OTOGL: variants seen among roughly 807,000 people sequenced by gnomAD.
OTOGL encodes otogelin like.
A neutral mutation model predicts 318.5 loss-of-function variants in OTOGL; 285 were observed. That is an observed-to-expected ratio of 0.89 (90% CI 0.81 to 0.99). The LOEUF (loss-of-function observed/expected upper bound fraction) is 0.99. OTOGL is among the 50% of genes least tolerant of loss of function. The pLI, the probability that OTOGL is intolerant of heterozygous loss-of-function variation, is 0.00. For synonymous variants in OTOGL, 987 were observed against 936.5 expected, an observed-to-expected ratio of 1.05 and a Z score of -0.99; for missense variants, 2,899 against 2,845.6, an observed-to-expected ratio of 1.02 and a Z score of -0.43.
chr12:80,367,130 C>T (rs1334973969), intron 53 of OTOGL, among the ~76,000 whole-genome samples: 2 of 127,696 alleles, frequency 1.6e-5, no homozygotes, highest in African/African-American at 5.8e-5. Flanking sequence ...ACATGCACCA[C>T]CATACCCAGC....
In OTOGL at chr12:80,266,548, C is replaced by T. The variant is rs369877003; in HGVS notation, c.2322C>T (p.Asp774=). The change falls in exon 21 of 59, where the codon GAC becomes GAT. Residue 774 remains aspartate (D), a synonymous_variant. Coordinates refer to ENST00000547103, the MANE Select transcript of OTOGL (RefSeq NM_001378609.3). The part of the protein sequence containing the change: ...SLSSPEQCSD[D]CAEGCNCPEG... ...CTTCCCCGGAGCAGTGCAGTGATGACTGTGCTGAAGGCTGTAATTGTCCGG... is the reference window on the plus strand; with the variant it reads ...CTTCCCCGGAGCAGTGCAGTGATGATTGTGCTGAAGGCTGTAATTGTCCGG... 14 of 1,613,426 alleles carry T rather than the reference C, an allele frequency of 8.7e-6. No individual in the cohort carries two copies. The African/African-American group carries it at 1.5e-4, about 17-fold the overall frequency.
chr12:80,345,683 A>AT (rs1486235151), intron 44 of OTOGL, among the ~76,000 whole-genome samples: 2 of 152,174 alleles, frequency 1.3e-5, no homozygotes, highest in Admixed American at 6.5e-5. Flanking sequence ...TATTTTGCAG[A>AT]TTTTTTTCAA....
chr12:80,250,467 C>T (rs565320366), intron 11 of OTOGL, among the ~76,000 whole-genome samples: 10 of 152,186 alleles, frequency 6.6e-5, no homozygotes, highest in Admixed American at 4.6e-4. Context: ...TTAAAACCAC[C>T]GTTAATGTAG....
chr12:80,153,343 G>A (rs1872908596), intron 1 of OTOGL, among the ~76,000 whole-genome samples: 2 of 152,050 alleles, frequency 1.3e-5, no homozygotes, highest in East Asian at 1.9e-4. Flanking sequence ...CATCCACAAG[G>A]GTTCCAGCCT....
chr12:80,217,355 A>T (rs1877836998), intron 4 of OTOGL, among the ~76,000 whole-genome samples: 1 of 152,152 alleles, frequency 6.6e-6, no homozygotes, highest in African/African-American at 2.4e-5. Flanking sequence ...AGACAAAGTA[A>T]ATATAGACTT....
chr12:80,133,793 A>G (rs1335688494), intron 1 of OTOGL, among the ~76,000 whole-genome samples: 2 of 152,100 alleles, frequency 1.3e-5, no homozygotes, highest in African/African-American at 2.4e-5. Flanking sequence ...TATCTCTACA[A>G]AAATACAAAA....
At chr12:80,362,713 G>A (rs553267056) in intron 52 of OTOGL, among the ~76,000 whole-genome samples, 1 of 152,206 alleles carries the variant, frequency 6.6e-6, no homozygotes, top group East Asian at 1.9e-4. Context: ...AGTTTCCAGA[G>A]ATGGCAACCA....
chr12:80,307,616 G>C (rs1291713163), intron 29 of OTOGL, among the ~76,000 whole-genome samples: 1 of 136,216 alleles, frequency 7.3e-6, no homozygotes, highest in Non-Finnish European at 1.6e-5. Flanking sequence ...GCGGGGGGCT[G>C]ACCCCCCCAC....
intron 37 of OTOGL, among the ~76,000 whole-genome samples, chr12:80,332,436 T>C (rs747180019): frequency 1.8e-4 from 28 of 152,308 alleles, no homozygotes; most frequent in Admixed American, 1.4e-3. Context: ...ACCTCCAATA[T>C]TGACACCTTT....
chr12:80,267,388 C>CTT, intron 22 of OTOGL, 61 bp downstream of exon 22: 1 of 809,024 alleles, frequency 1.2e-6, no homozygotes, highest in Non-Finnish European at 1.7e-6. Context: ...ATAATTCTTT[C>CTT]TTTTATATAT....
At chr12:80,147,811 G>A (rs1377964220) in intron 1 of OTOGL, among the ~76,000 whole-genome samples, 1 of 152,062 alleles carries the variant, frequency 6.6e-6, no homozygotes, top group Non-Finnish European at 1.5e-5. Context: ...ATTATATAAT[G>A]GCCTTGTTTG....
At chr12:80,112,457 G>T (rs1869897987) in intron 1 of OTOGL, among the ~76,000 whole-genome samples, 3 of 152,080 alleles carry the variant, frequency 2.0e-5, no homozygotes. Context: ...GCATGAAGGG[G>T]TGTTGAATTT....
chr12:80,376,690 C>T (rs7977501), intron 57 of OTOGL, among the ~76,000 whole-genome samples: 108,943 of 151,970 alleles, frequency 0.72, 40,915 homozygotes, highest in Non-Finnish European at 0.84. Context: ...TTTTAAATCT[C>T]TCAATTTTTA....
In OTOGL at chr12:80,209,465, C is replaced by A. The variant is rs539100194; in HGVS notation, c.34C>A (p.Pro12Thr). The A allele has an allele frequency of 1.9e-4, 290 of 1,514,172 alleles. No homozygotes were observed. The highest frequency in any genetic ancestry group is 2.3e-4 in the Non-Finnish European group (266 of 1,132,166). 93.8% of individuals were successfully genotyped at this position (1,514,172 alleles called of 1,614,324 possible). A position where few individuals can be genotyped will look rare whatever the true frequency, so the allele number is the denominator to read the frequency against. Residue 12 changes from proline to threonine, a missense_variant, in exon 2 of 59, where the codon CCT (proline) becomes ACT (threonine). Around this residue, in one of 3 missense-constraint regions of OTOGL, gnomAD observed 2,607 missense variants for 2,524.9 expected, o/e 1.03. Coordinates refer to ENST00000547103, the MANE Select transcript of OTOGL (RefSeq NM_001378609.3). ...TGTAAGAAAACTCAATTTAATGATA[C>A]CTTGGAGTATATTCTTGCTTCATGT... is the stretch of plus-strand genomic sequence containing the variant. ...NIVRKLNLMI[P>T]WSIFLLHVLL... is the part of the protein sequence containing the mutation.
At chr12:80,176,285 G>A (rs947119540) in intron 1 of OTOGL, among the ~76,000 whole-genome samples, 11 of 152,018 alleles carry the variant, frequency 7.2e-5, no homozygotes, top group African/African-American at 2.7e-4. Flanking sequence ...ATGTATTTAA[G>A]GTGTACAAAT....
At chr12:80,209,116 G>A (rs1390979576) in intron 1 of OTOGL, among the ~76,000 whole-genome samples, 1 of 152,116 alleles carries the variant, frequency 6.6e-6, no homozygotes, top group African/African-American at 2.4e-5. Context: ...TTTTAATGCT[G>A]CTGTCTTGAG....
intron 12 of OTOGL, 74 bp from the exon 13 acceptor site, chr12:80,252,002 A>T: frequency 7.2e-7 from 1 of 1,388,662 alleles, no homozygotes; most frequent in Admixed American, 3.1e-5. Context: ...TTTTGTAAAA[A>T]ATAAAATTAT....
Position 80,328,782 on chromosome 12 carries a change from A to G in OTOGL, c.4279+38A>G, listed in dbSNP as rs777607517. 3.2e-5 allele frequency: 49 copies of G among 1,511,502 alleles called. No homozygotes were observed. In the Admixed American group the frequency reaches 8.4e-4, roughly 26 times the overall value. The allele number at this position is 1,511,502 out of a possible 1,614,324, so 93.6% of individuals were successfully genotyped here. On this transcript the variant is annotated intron_variant, in intron 36 of 58. Coordinates refer to ENST00000547103, the MANE Select transcript of OTOGL (RefSeq NM_001378609.3). ...GTTGCTTAATTTACTCTGAAAAATTATACGCTTGCATATGTTTTTTCCGAG... is the reference window on the plus strand; with the variant it reads ...GTTGCTTAATTTACTCTGAAAAATTGTACGCTTGCATATGTTTTTTCCGAG...
chr12:80,304,402 T>C (rs914784801), intron 28 of OTOGL, among the ~76,000 whole-genome samples: 3 of 152,176 alleles, frequency 2.0e-5, no homozygotes, highest in African/African-American at 2.4e-5. Context: ...TGCAAAAACA[T>C]TGATGTATTT....
Sources: gnomAD v4.1 joint callset for allele counts (sites outside exome capture counted in the v4.1 genomes callset) on GRCh38, gnomAD v4.1.1 for gene constraint, gnomAD v4.1.1 regional missense constraint, MANE v1.5 for transcripts, NCBI Gene and HGNC (gene_info 2026-07-23, HGNC 2026-07-21) for gene names.